BNC2: variants seen among roughly 807,000 people sequenced by gnomAD.
The protein encoded by BNC2 is basonuclin zinc finger protein 2, also known as zinc finger protein basonuclin-2.
In BNC2, 20 loss-of-function variants were observed where a neutral mutation model predicts 76.3. The ratio of observed to expected loss-of-function variants is 0.26; its 90% CI spans 0.18 to 0.38. BNC2 has a LOEUF of 0.38. Ranked by LOEUF, BNC2 falls within the 10% of genes least tolerant of loss-of-function variation. The pLI, the probability that BNC2 is intolerant of heterozygous loss-of-function variation, is 1.00. For synonymous variants in BNC2, 582 were observed against 514.8 expected (o/e 1.13, Z -1.77); for missense variants, 1,382 against 1,399.8 (o/e 0.99, Z 0.20).
intron 1 of BNC2, among the ~76,000 whole-genome samples, chr9:16,790,063 G>A (rs567186646): frequency 9.2e-5 from 14 of 152,218 alleles, no homozygotes; most frequent in African/African-American, 1.4e-4. Context: ...GCAGTGGCGC[G>A]ATCTCGGCTC....
At chr9:16,838,795 G>A (rs955330333) in intron 1 of BNC2, among the ~76,000 whole-genome samples, 1 of 152,152 alleles carries the variant, frequency 6.6e-6, no homozygotes, top group Admixed American at 6.5e-5. Context: ...ATTATTTATA[G>A]TGTACTTATT....
At chr9:16,540,745 G>A (rs945597116) in intron 5 of BNC2, among the ~76,000 whole-genome samples, 2 of 152,112 alleles carry the variant, frequency 1.3e-5, no homozygotes, top group Non-Finnish European at 2.9e-5. Context: ...CTACAAAGGC[G>A]CTAATGACAT....
chr9:16,615,556 C>T (rs943710300), intron 3 of BNC2, among the ~76,000 whole-genome samples: 21 of 152,102 alleles, frequency 1.4e-4, no homozygotes, highest in African/African-American at 4.8e-4. Context: ...ACGTTTCCTT[C>T]GGTTTACTAC....
At chr9:16,575,484 G>C (rs998008527) in intron 4 of BNC2, 2 of 975,104 alleles carry the variant, frequency 2.1e-6, no homozygotes, top group Middle Eastern at 5.2e-4. Context: ...TGTTTGCGCT[G>C]GGTTTAAAGA....
chr9:16,470,378 A>G (rs1225216250), intron 5 of BNC2, among the ~76,000 whole-genome samples: 1 of 152,166 alleles, frequency 6.6e-6, no homozygotes, highest in African/African-American at 2.4e-5. Flanking sequence ...AGAAAACCCC[A>G]TTTTCTGGGG....
At chr9:16,777,636 G>C (rs1376255378) in intron 1 of BNC2, among the ~76,000 whole-genome samples, 1 of 148,438 alleles carries the variant, frequency 6.7e-6, no homozygotes, top group African/African-American at 2.4e-5. Context: ...GGGAGGCGGA[G>C]CTTGCAGTGA....
rs1446432587 is a variant in BNC2 at position 16,414,283 on chromosome 9, A to C, written c.*4706T>G. 2 of 152,258 alleles carry C rather than the reference A, an allele frequency of 1.3e-5. No individual in the cohort carries two copies. The highest frequency in any genetic ancestry group is 2.9e-5 in the Non-Finnish European group (2 of 68,118). 9.4% of individuals were successfully genotyped at this position (152,258 alleles called of 1,614,324 possible). A position where few individuals can be genotyped will look rare whatever the true frequency, so the allele number is the denominator to read the frequency against. On this transcript the variant is annotated 3_prime_UTR_variant, in exon 7 of 7. Transcript: ENST00000380672. ...TCGAGCCAACATTTCCAGTGCATTC[A>C]TGATTTCCTTTTCTAGCTACCCCAA...
intron 5 of BNC2, among the ~76,000 whole-genome samples, chr9:16,445,968 G>C (rs1821223003): frequency 6.6e-6 from 1 of 152,178 alleles, no homozygotes; most frequent in African/African-American, 2.4e-5. Flanking sequence ...CCATTAGTTA[G>C]AATGTTGGGG....
At chr9:16,802,866 G>A (rs1399595701) in intron 1 of BNC2, among the ~76,000 whole-genome samples, 1 of 152,182 alleles carries the variant, frequency 6.6e-6, no homozygotes, top group Non-Finnish European at 1.5e-5. Flanking sequence ...TGACCAAATG[G>A]AGGGTCACTA....
rs113806505 is a variant in BNC2 at position 16,478,524 on chromosome 9, T to A, written c.670-41000A>T. 3.3e-5 allele frequency among the ~76,000 whole-genome samples: 5 copies of A among 152,372 alleles called. 1 individual carries two copies. The highest frequency in any genetic ancestry group is 1.2e-4 in the African/African-American group (5 of 41,590). ...TTTTCAGCTTAATATTTCTTCCACA[T>A]GGTTATAAAATACTGCCTTTTTTTA... On this transcript the variant is annotated intron_variant, in intron 5 of 6. Coordinates refer to ENST00000380672, the MANE Select transcript of BNC2 (RefSeq NM_017637.6).
At chr9:16,580,062 C>T (rs778234037) in intron 4 of BNC2, 12 of 398,352 alleles carry the variant, frequency 3.0e-5, no homozygotes, top group Non-Finnish European at 4.4e-5. Context: ...GCCCCACACC[C>T]AGGACACTGC....
chr9:16,793,501 CAGG>C (rs1464753006), intron 1 of BNC2, among the ~76,000 whole-genome samples: 1 of 151,960 alleles, frequency 6.6e-6, no homozygotes, highest in Non-Finnish European at 1.5e-5. Context: ...TTTTTTTTGA[CAGG>C]GTCTCACTAC....
intron 4 of BNC2, among the ~76,000 whole-genome samples, chr9:16,559,767 A>G (rs993955369): frequency 6.6e-6 from 1 of 152,016 alleles, no homozygotes; most frequent in East Asian, 1.9e-4. Flanking sequence ...CTCCTCCTAA[A>G]ATGCTCTCCT....
chr9:16,748,922 C>CTACATA (rs1301204708), intron 1 of BNC2, among the ~76,000 whole-genome samples: 4 of 130,572 alleles, frequency 3.1e-5, no homozygotes, highest in Non-Finnish European at 6.2e-5. Context: ...ACTTTTTATA[C>CTACATA]TATATATATA....
chr9:16,510,925 A>G (rs1409413907), intron 5 of BNC2, among the ~76,000 whole-genome samples: 1 of 152,158 alleles, frequency 6.6e-6, no homozygotes, highest in African/African-American at 2.4e-5. Flanking sequence ...AGATGACCTC[A>G]ATATGCAATT....
intron 3 of BNC2, among the ~76,000 whole-genome samples, chr9:16,698,680 G>C (rs966370974): frequency 6.6e-6 from 1 of 151,780 alleles, no homozygotes; most frequent in African/African-American, 2.4e-5. Context: ...GGCAACAAGA[G>C]CAAAACTCCA....
chr9:16,429,937 C>T (rs772117084), intron 6 of BNC2: 11 of 515,002 alleles, frequency 2.1e-5, no homozygotes, highest in Non-Finnish European at 4.3e-5. Flanking sequence ...TCACTTTAGG[C>T]TTGACAGAGT....
intron 1 of BNC2, among the ~76,000 whole-genome samples, chr9:16,817,760 C>G (rs1818219671): frequency 2.6e-5 from 4 of 152,160 alleles, no homozygotes; most frequent in Admixed American, 2.6e-4. Context: ...CTTTTAGTCA[C>G]TCAATAAGCA....
intron 2 of BNC2, among the ~76,000 whole-genome samples, chr9:16,729,982 ACT>A (rs547562700): frequency 3.0e-3 from 445 of 150,270 alleles, no homozygotes; most frequent in Middle Eastern, 0.014. Flanking sequence ...CTCGCCTCTC[ACT>A]CGCCCTCTCC....
Sources: gnomAD v4.1 joint callset for allele counts (sites outside exome capture counted in the v4.1 genomes callset) on GRCh38, gnomAD v4.1.1 for gene constraint, MANE v1.5 for transcripts, NCBI Gene and HGNC (gene_info 2026-07-23, HGNC 2026-07-21) for gene names.